ELMO1: variants seen among roughly 807,000 people sequenced by gnomAD.
The protein encoded by ELMO1 is engulfment and cell motility 1, also known as engulfment and cell motility protein 1.
In ELMO1, 26 loss-of-function variants were observed where a neutral mutation model predicts 98.9. That is an observed-to-expected ratio of 0.26 (90% CI 0.19 to 0.36). The LOEUF is 0.36. Ranked by LOEUF, ELMO1 falls within the 10% of genes least tolerant of loss-of-function variation. The pLI is 1.00. For missense variants in ELMO1, 627 were observed against 935.2 expected, an observed-to-expected ratio of 0.67 and a Z score of 4.30; for synonymous variants, 346 against 346.0, an observed-to-expected ratio of 1.00 and a Z score of 0.00.
At chr7:36,989,173 A>G (rs1327225444) in intron 16 of ELMO1, among the ~76,000 whole-genome samples, 4 of 152,214 alleles carry the variant, frequency 2.6e-5, no homozygotes, top group Admixed American at 6.5e-5. Context: ...AACCAATTTA[A>G]TTCTCCCAAA....
intron 13 of ELMO1, among the ~76,000 whole-genome samples, chr7:37,209,976 A>G (rs1293110763): frequency 6.6e-6 from 1 of 152,264 alleles, no homozygotes; most frequent in African/African-American, 2.4e-5. Flanking sequence ...TGCAGTAAGT[A>G]TTCTTATTTA....
intron 13 of ELMO1, among the ~76,000 whole-genome samples, chr7:37,198,191 C>G (rs1792082110): frequency 6.6e-6 from 1 of 152,328 alleles, no homozygotes; most frequent in East Asian, 1.9e-4. Flanking sequence ...GCTAAGCACT[C>G]TTACGAAATT....
chr7:37,195,713 C>T (rs1324501914), intron 13 of ELMO1, among the ~76,000 whole-genome samples: 2 of 152,202 alleles, frequency 1.3e-5, no homozygotes, highest in East Asian at 1.9e-4. Context: ...TGGTCCCAGA[C>T]GGACCACCTC....
intron 13 of ELMO1, among the ~76,000 whole-genome samples, chr7:37,171,245 A>C: frequency 6.6e-6 from 1 of 152,072 alleles, no homozygotes; most frequent in East Asian, 1.9e-4. Context: ...GATACACTCA[A>C]TTCCTTCCTA....
Position 37,092,360 on chromosome 7 carries a change from C to T in ELMO1, c.1300+4259G>A, listed in dbSNP as rs1010515318. Among the ~76,000 whole-genome samples the T allele has an allele frequency of 9.5e-4, 127 of 134,054 alleles. 1 individual carries two copies. Among genetic ancestry groups the T allele is most frequent in the Non-Finnish European group, 5.1e-4 (32 of 62,440 alleles). 87.9% of individuals were successfully genotyped at this position (134,054 alleles called of 152,430 possible). On this transcript the variant is annotated intron_variant, in intron 15 of 21. Transcript: ENST00000310758. ...TCTATCACTTGCAAAAAAAATTACC[C>T]ATATTCTTTTTTTTTTTTTTTTTTT...
intron 15 of ELMO1, among the ~76,000 whole-genome samples, chr7:37,044,365 A>G (rs1033059021): frequency 6.6e-6 from 1 of 152,224 alleles, no homozygotes; most frequent in Non-Finnish European, 1.5e-5. Context: ...TGCACTAAGT[A>G]CTTCACATGT....
At chr7:37,277,817 C>T (rs1479908783) in intron 4 of ELMO1, among the ~76,000 whole-genome samples, 1 of 152,258 alleles carries the variant, frequency 6.6e-6, no homozygotes, top group Non-Finnish European at 1.5e-5. Flanking sequence ...TCTGCAATAA[C>T]AGCACTTTGT....
chr7:37,351,839 C>A (rs1172101411), intron 1 of ELMO1, among the ~76,000 whole-genome samples: 3 of 152,150 alleles, frequency 2.0e-5, no homozygotes, highest in African/African-American at 7.2e-5. Flanking sequence ...TCTTTTGCTC[C>A]CCAATTCTAG....
intron 1 of ELMO1, among the ~76,000 whole-genome samples, chr7:37,385,606 GT>G (rs1802766475): frequency 6.6e-6 from 1 of 152,182 alleles, no homozygotes; most frequent in African/African-American, 2.4e-5. Context: ...TTGTTTACTT[GT>G]TTATTTTCTG....
intron 5 of ELMO1, 89 bp downstream of exon 5, chr7:37,271,743 C>A: frequency 1.4e-6 from 2 of 1,434,624 alleles, no homozygotes; most frequent in South Asian, 2.5e-5. Context: ...GCACTAAAGT[C>A]AACCTCAAAA....
At chr7:36,861,044 T>C (rs1165964604) in intron 21 of ELMO1, among the ~76,000 whole-genome samples, 1 of 152,216 alleles carries the variant, frequency 6.6e-6, no homozygotes, top group Non-Finnish European at 1.5e-5. Flanking sequence ...TGATGTTGGG[T>C]TCCAGTTTAT....
At chr7:37,296,475 C>A (rs1214260243) in intron 4 of ELMO1, among the ~76,000 whole-genome samples, 1 of 152,300 alleles carries the variant, frequency 6.6e-6, no homozygotes, top group East Asian at 1.9e-4. Context: ...TTTGATTACT[C>A]CCAAATCGAC....
intron 14 of ELMO1, among the ~76,000 whole-genome samples, chr7:37,114,425 T>C (rs1412968344): frequency 6.6e-6 from 1 of 152,072 alleles, no homozygotes; most frequent in African/African-American, 2.4e-5. Flanking sequence ...TAAATAGAAT[T>C]TGCTGGGGTT....
intron 1 of ELMO1, chr7:37,435,166 A>G (rs1486209844): frequency 2.0e-5 from 3 of 152,474 alleles, no homozygotes; most frequent in Non-Finnish European, 4.4e-5. Context: ...AACCATTTAC[A>G]GATTTCTTTG....
intron 4 of ELMO1, among the ~76,000 whole-genome samples, chr7:37,308,799 G>C (rs1258822719): frequency 6.6e-6 from 1 of 152,190 alleles, no homozygotes; most frequent in Non-Finnish European, 1.5e-5. Flanking sequence ...GTCTAGGAGA[G>C]TCCAGTGCTT....
At chr7:37,332,760 T>A (rs1328290398) in intron 2 of ELMO1, among the ~76,000 whole-genome samples, 2 of 152,172 alleles carry the variant, frequency 1.3e-5, no homozygotes, top group African/African-American at 2.4e-5. Context: ...TGGCAAGAGC[T>A]GGGGGCAGGG....
chr7:37,171,784 G>T (rs1349930311), intron 13 of ELMO1, among the ~76,000 whole-genome samples: 6 of 151,966 alleles, frequency 3.9e-5, no homozygotes, highest in African/African-American at 1.5e-4. Flanking sequence ...GAGCCACCAC[G>T]CCTGGCCGCC....
At chr7:37,243,722 C>T (rs909027864) in intron 7 of ELMO1, among the ~76,000 whole-genome samples, 5 of 152,114 alleles carry the variant, frequency 3.3e-5, no homozygotes, top group Admixed American at 6.6e-5. Context: ...TGCTTAATGG[C>T]TTGGCACCAT....
At chr7:37,322,666 G>A (rs540083431) in intron 2 of ELMO1, among the ~76,000 whole-genome samples, 7 of 151,678 alleles carry the variant, frequency 4.6e-5, no homozygotes, top group Admixed American at 6.6e-5. Context: ...AGCCAGGCAC[G>A]GTGGCGTGTG....
Sources: gnomAD v4.1 joint callset for allele counts (sites outside exome capture counted in the v4.1 genomes callset) on GRCh38, gnomAD v4.1.1 for gene constraint, MANE v1.5 for transcripts, NCBI Gene and HGNC (gene_info 2026-07-23, HGNC 2026-07-21) for gene names.